Variants in PRKAG2 observed in about 807,000 individuals in gnomAD.
PRKAG2 encodes protein kinase AMP-activated non-catalytic subunit gamma 2.
A neutral mutation model predicts 69.6 loss-of-function variants in PRKAG2; 26 were observed. The observed-to-expected ratio is 0.37, with a 90% CI of 0.27 to 0.52. The LOEUF (loss-of-function observed/expected upper bound fraction) is 0.52. Among genes scored for constraint, PRKAG2 ranks in the 20% least tolerant of loss-of-function variants. The probability of loss-of-function intolerance (pLI) is 0.90; values close to 1 mark genes in which losing one functional copy is unlikely to be tolerated. For synonymous variants in PRKAG2, 293 were observed against 285.0 expected, an observed-to-expected ratio of 1.03 and a Z score of -0.28; for missense variants, 557 against 740.0, an observed-to-expected ratio of 0.75 and a Z score of 2.87.
At chr7:151,698,247 C>T (rs1035641456) in intron 3 of PRKAG2, among the ~76,000 whole-genome samples, 1 of 152,222 alleles carries the variant, frequency 6.6e-6, no homozygotes, top group Non-Finnish European at 1.5e-5. Flanking sequence ...GCACATTCAG[C>T]CAGCACTTCA....
In PRKAG2 at chr7:151,675,444, C is replaced by A. The variant is rs774279454; in HGVS notation, c.660G>T (p.Pro220=). 2.5e-6 allele frequency: 4 copies of A among 1,614,096 alleles called. No homozygotes were observed. The highest frequency in any genetic ancestry group is 3.4e-6 in the Non-Finnish European group (4 of 1,180,018). ...QSPTRPPLAS[P]THYAPSKAAA... ...CGGCTTTGGAGGGAGCATAGTGTGT[C>A]GGTGATGCCAGTGGAGGCCTGGTCG... The change falls in exon 4 of 16, where the codon CCG becomes CCT. Residue 220 remains proline (P), a synonymous_variant. Coordinates refer to ENST00000287878, the MANE Select transcript of PRKAG2 (RefSeq NM_016203.4).
chr7:151,800,060 T>C (rs2077749821), intron 1 of PRKAG2, among the ~76,000 whole-genome samples: 1 of 152,158 alleles, frequency 6.6e-6, no homozygotes. Flanking sequence ...CTGTGTCATT[T>C]GAAAGTCGCC....
At chr7:151,732,468 T>C (rs1441301520) in intron 3 of PRKAG2, among the ~76,000 whole-genome samples, 1 of 152,106 alleles carries the variant, frequency 6.6e-6, no homozygotes, top group Non-Finnish European at 1.5e-5. Flanking sequence ...AATAACTGTA[T>C]GAAGGAGAGG....
At chr7:151,745,237 C>T (rs1231407954) in intron 3 of PRKAG2, among the ~76,000 whole-genome samples, 1 of 152,226 alleles carries the variant, frequency 6.6e-6, no homozygotes, top group Admixed American at 6.5e-5. Flanking sequence ...AACCACATCT[C>T]ATTATGCAAG....
chr7:151,651,718 C>T (rs900015557), intron 4 of PRKAG2, among the ~76,000 whole-genome samples: 4 of 152,180 alleles, frequency 2.6e-5, no homozygotes, highest in African/African-American at 9.7e-5. Flanking sequence ...TTACACACTG[C>T]GGCTAACCTT....
chr7:151,736,992 G>A (rs534046090), intron 3 of PRKAG2, among the ~76,000 whole-genome samples: 1 of 152,164 alleles, frequency 6.6e-6, no homozygotes, highest in Non-Finnish European at 1.5e-5. Context: ...CGCTGATCAA[G>A]TAAAACCTAA....
At chr7:151,727,578 T>G (rs1249416543) in intron 3 of PRKAG2, among the ~76,000 whole-genome samples, 1 of 152,224 alleles carries the variant, frequency 6.6e-6, no homozygotes, top group Non-Finnish European at 1.5e-5. Flanking sequence ...TCCTTTTTTC[T>G]GTGCTGCCAA....
chr7:151,846,801 ATTC>A (rs2079443240), intron 1 of PRKAG2, among the ~76,000 whole-genome samples: 1 of 152,216 alleles, frequency 6.6e-6, no homozygotes, highest in Non-Finnish European at 1.5e-5. Flanking sequence ...GTCCTACAGT[ATTC>A]TTCTGTAGTT....
chr7:151,620,347 C>G (rs183111434), intron 5 of PRKAG2, among the ~76,000 whole-genome samples: 1 of 152,196 alleles, frequency 6.6e-6, no homozygotes, highest in East Asian at 1.9e-4. Flanking sequence ...CTCATTCTTT[C>G]TTTCTTTCTT....
intron 3 of PRKAG2, among the ~76,000 whole-genome samples, chr7:151,712,538 C>T (rs1447931230): frequency 6.6e-6 from 1 of 152,234 alleles, no homozygotes; most frequent in East Asian, 1.9e-4. Flanking sequence ...TCTTGTTGGC[C>T]CTGATGAGCT....
intron 10 of PRKAG2, among the ~76,000 whole-genome samples, chr7:151,569,724 C>T (rs747163366): frequency 6.6e-6 from 1 of 152,190 alleles, no homozygotes; most frequent in African/African-American, 2.4e-5. Flanking sequence ...TAAAAAAGGA[C>T]GGGCCAGACG....
At chr7:151,715,145 A>AG (rs1795963563) in intron 3 of PRKAG2, among the ~76,000 whole-genome samples, 1 of 145,284 alleles carries the variant, frequency 6.9e-6, no homozygotes, top group African/African-American at 2.5e-5. Flanking sequence ...CCTCCAAAGT[A>AG]GCTGGGATTA....
chr7:151,751,548 G>A (rs948885686), intron 3 of PRKAG2, among the ~76,000 whole-genome samples: 2 of 150,990 alleles, frequency 1.3e-5, no homozygotes, highest in Non-Finnish European at 2.9e-5. Flanking sequence ...TCGCTTTGTC[G>A]CCCAGACTGG....
chr7:151,675,786 G>C (rs1370563402), intron 3 of PRKAG2, 149 bp from the exon 4 acceptor site: 5 of 778,038 alleles, frequency 6.4e-6, no homozygotes, highest in Non-Finnish European at 1.1e-5. Context: ...TCAGAGGTCC[G>C]GCCTCCAGGA....
At chr7:151,776,726 C>A (rs767992110) in intron 3 of PRKAG2, among the ~76,000 whole-genome samples, 1 of 152,248 alleles carries the variant, frequency 6.6e-6, no homozygotes, top group Non-Finnish European at 1.5e-5. Flanking sequence ...CAGGCCCAGC[C>A]GGGGCAGTGC....
intron 2 of PRKAG2, among the ~76,000 whole-genome samples, chr7:151,782,913 C>G (rs2076794715): frequency 6.6e-6 from 1 of 152,232 alleles, no homozygotes; most frequent in Non-Finnish European, 1.5e-5. Flanking sequence ...GCGAGTAACT[C>G]GTCCGCAGCG....
At chr7:151,851,049 G>A (rs2079555815) in intron 1 of PRKAG2, among the ~76,000 whole-genome samples, 1 of 152,138 alleles carries the variant, frequency 6.6e-6, no homozygotes, top group Non-Finnish European at 1.5e-5. Flanking sequence ...TCTGTGCCTG[G>A]CCCTCTTTAT....
At chr7:151,689,975 G>A (rs769155632) in intron 3 of PRKAG2, among the ~76,000 whole-genome samples, 2 of 152,170 alleles carry the variant, frequency 1.3e-5, no homozygotes, top group South Asian at 2.1e-4. Flanking sequence ...GATTCTCCAC[G>A]GAGGAGGAAG....
chr7:151,703,918 T>C (rs1314725197), intron 3 of PRKAG2, among the ~76,000 whole-genome samples: 3 of 131,736 alleles, frequency 2.3e-5, no homozygotes, highest in Admixed American at 7.5e-5. Context: ...ACAAATTAGC[T>C]AGGCATGGTG....
Sources: gnomAD v4.1 joint callset for allele counts (sites outside exome capture counted in the v4.1 genomes callset) on GRCh38, gnomAD v4.1.1 for gene constraint, MANE v1.5 for transcripts, NCBI Gene and HGNC (gene_info 2026-07-23, HGNC 2026-07-21) for gene names.